MARK4: variants seen among roughly 807,000 people sequenced by gnomAD.
MARK4 encodes the protein microtubule affinity regulating kinase 4.
A neutral mutation model predicts 81.5 loss-of-function variants in MARK4; 19 were observed. That is an observed-to-expected ratio of 0.23 (90% CI 0.16 to 0.34). The LOEUF (loss-of-function observed/expected upper bound fraction) is 0.34, where lower values mean the gene tolerates loss of function less well. Ranked by LOEUF, MARK4 falls within the 10% of genes least tolerant of loss-of-function variation. The pLI is 1.00. For synonymous variants in MARK4, 436 were observed against 439.0 expected, an observed-to-expected ratio of 0.99 and a Z score of 0.08; for missense variants, 772 against 1,058.8, an observed-to-expected ratio of 0.73 and a Z score of 3.76.
intron 1 of MARK4, among the ~76,000 whole-genome samples, chr19:45,252,819 C>T (rs1568488168): frequency 6.6e-6 from 1 of 152,120 alleles, no homozygotes. Flanking sequence ...CTGCTCCTTG[C>T]CCAAGAAGTT....
At chr19:45,262,361 T>C (rs1035376517) in intron 2 of MARK4, among the ~76,000 whole-genome samples, 3 of 6,644 alleles carry the variant, frequency 4.5e-4, no homozygotes, top group Admixed American at 1.6e-3. Context: ...GGCGGGGGGG[T>C]GGGGTGGGTG....
rs1568506283 is a variant in MARK4 at position 45,302,754 on chromosome 19, CCTTCA to C, written c.*49_*53del. On this transcript the variant is annotated 3_prime_UTR_variant, in exon 17 of 17. Transcript: ENST00000262891. This position sits in a 1 kb window ranked among gnomAD's most constrained non-coding sequence, Gnocchi z 4.9. ...CCCTTACTCTTCCTCTCCCTTGTCG[CCTTCA>C]CTTCTACAGGAGGGGAAGGGGCCAG... The C allele has an allele frequency of 1.3e-6, 2 of 1,533,544 alleles. No individual in the cohort carries two copies. The highest frequency in any genetic ancestry group is 2.0e-5 in the Admixed American group (1 of 50,486). 95.0% of individuals were successfully genotyped at this position (1,533,544 alleles called of 1,614,324 possible).
intron 15 of MARK4, 109 bp downstream of exon 15, chr19:45,298,063 T>C: frequency 1.3e-6 from 2 of 1,535,280 alleles, no homozygotes; most frequent in East Asian, 2.3e-5. Flanking sequence ...CTCTTCCTCC[T>C]CCTCCTCCTC....
chr19:45,268,763 A>G (rs1419074346), intron 7 of MARK4, among the ~76,000 whole-genome samples: 1 of 152,106 alleles, frequency 6.6e-6, no homozygotes, highest in East Asian at 1.9e-4. Context: ...ACAACAAAAA[A>G]TACAAAAGCA....
chr19:45,302,715 C>T lies in MARK4; in HGVS notation c.*5C>T. 3 of 1,536,110 alleles carry T rather than the reference C, an allele frequency of 2.0e-6. No homozygotes were observed. The highest frequency in any genetic ancestry group is 2.6e-6 in the Non-Finnish European group (3 of 1,146,830). On this transcript the variant is annotated 3_prime_UTR_variant, in exon 17 of 17. Coordinates refer to ENST00000262891, the MANE Select transcript of MARK4 (RefSeq NM_001199867.2). This position sits in a 1 kb window ranked among gnomAD's most constrained non-coding sequence, Gnocchi z 4.9. Reference sequence around the variant, plus strand: ...TCCAACGACCTCGAGCTCTGAGCCACCACGGTCCCAGGGCCCTTACTCTTC... The same window carrying T: ...TCCAACGACCTCGAGCTCTGAGCCATCACGGTCCCAGGGCCCTTACTCTTC...
At chr19:45,278,400 G>A in intron 9 of MARK4, 116 bp from the exon 10 acceptor site, 2 of 926,610 alleles carry the variant, frequency 2.2e-6, no homozygotes, top group South Asian at 2.9e-5. Context: ...CTATCTCTTA[G>A]GAAGCCCGCA....
chr19:45,292,385 T>A (rs182454026), intron 13 of MARK4, among the ~76,000 whole-genome samples: 1 of 152,294 alleles, frequency 6.6e-6, no homozygotes, highest in East Asian at 1.9e-4. Flanking sequence ...TAACTTCACC[T>A]CTCTGATCTT....
At chr19:45,282,638 CA>C (rs2123075980) in intron 12 of MARK4, among the ~76,000 whole-genome samples, 1 of 152,184 alleles carries the variant, frequency 6.6e-6, no homozygotes, top group Admixed American at 6.5e-5. Flanking sequence ...CCAGCCTGGC[CA>C]AGATGGTGAA....
chr19:45,302,242 G>T lies in MARK4; in HGVS notation c.1923-132G>T. The T allele has an allele frequency of 6.5e-7, 1 of 1,541,192 alleles. No homozygotes were observed. Among genetic ancestry groups the T allele is most frequent in the South Asian group, 1.3e-5 (1 of 79,886 alleles). On this transcript the variant is annotated intron_variant, in intron 16 of 16. Coordinates refer to ENST00000262891, the MANE Select transcript of MARK4 (RefSeq NM_001199867.2). The surrounding 1 kb of genome is among the most constrained non-coding windows in gnomAD (Gnocchi z 4.9). ...CTGTATCCAGTTGAAACTGTCGCTG[G>T]GGTAACAGGGGAAGATGTTTTTTGA...
chr19:45,261,432 T>C (rs546288189), intron 2 of MARK4, among the ~76,000 whole-genome samples: 1 of 152,334 alleles, frequency 6.6e-6, no homozygotes, highest in South Asian at 2.1e-4. Flanking sequence ...CACCACATTC[T>C]CAGATTAAAG....
intron 8 of MARK4, 54 bp from the exon 9 acceptor site, chr19:45,277,869 G>A (rs1181384573): frequency 6.4e-5 from 88 of 1,368,130 alleles, no homozygotes; most frequent in Non-Finnish European, 8.2e-5. Context: ...GTGTGTGTGT[G>A]TAATAGGTGG....
At chr19:45,276,332 C>T (rs535186264) in intron 8 of MARK4, among the ~76,000 whole-genome samples, 19 of 152,150 alleles carry the variant, frequency 1.2e-4, no homozygotes, top group South Asian at 2.1e-4. Context: ...TGGCCTATTG[C>T]GGTTTTTTAT....
intron 7 of MARK4, among the ~76,000 whole-genome samples, chr19:45,267,161 C>T (rs371192905): frequency 6.1e-4 from 93 of 152,224 alleles, no homozygotes; most frequent in African/African-American, 2.0e-3. Flanking sequence ...CGGGTTCAGG[C>T]GATTCTCCTG....
rs138120388 is a variant in MARK4 at position 45,262,050 on chromosome 19, C to T, written c.253-1063C>T. Among the ~76,000 whole-genome samples, 613 of 152,258 alleles carry T rather than the reference C, an allele frequency of 4.0e-3. 3 individuals are homozygous for T. The highest frequency in any genetic ancestry group is 0.014 in the African/African-American group (589 of 41,540). On this transcript the variant is annotated intron_variant, in intron 2 of 16. Coordinates refer to ENST00000262891, the MANE Select transcript of MARK4 (RefSeq NM_001199867.2). The stretch of plus-strand genomic sequence containing the variant: ...AAAAGTTGTGTTTAAGAGGTAGATT[C>T]CATCAGGCTGCATAAGTTCAAATCT...
rs777001749 is a variant in MARK4 at position 45,266,275 on chromosome 19, C to G, written c.543C>G (p.Asp181Glu). 6.2e-7 allele frequency: 1 copy of G among 1,613,734 alleles called. No individual in the cohort carries two copies. The highest frequency in any genetic ancestry group is 1.1e-5 in the South Asian group (1 of 91,082). ...ACCAGAAAAATATTGTACACAGGGA[C>G]CTGAAGGTAAGCCCCCGACCCGCTG... ...YCHQKNIVHRDLKAENLLLDA... is the reference protein window; with the variant it reads ...YCHQKNIVHRELKAENLLLDA... Residue 181 changes from aspartate to glutamate, a missense_variant, in exon 7 of 17, where the codon GAC becomes GAG. Transcript: ENST00000262891.
intron 1 of MARK4, among the ~76,000 whole-genome samples, chr19:45,251,916 C>G (rs989598683): frequency 6.6e-6 from 1 of 151,968 alleles, no homozygotes; most frequent in African/African-American, 2.4e-5. Context: ...AGCCCCTTCC[C>G]CTGCTTCCAG....
intron 15 of MARK4, chr19:45,298,349 T>C (rs1970920958): frequency 1.4e-5 from 14 of 1,006,714 alleles, no homozygotes; most frequent in Non-Finnish European, 1.8e-5. Flanking sequence ...TGGTTGTTCA[T>C]TTACTCACAG....
At position 45,287,681 on chromosome 19, in the gene MARK4, G is replaced by A. The variant is rs750441925; in HGVS notation, c.1494+17G>A. 3 of 1,600,102 alleles carry A rather than the reference G, an allele frequency of 1.9e-6. No homozygotes were observed. Among genetic ancestry groups the A allele is most frequent in the Non-Finnish European group, 2.6e-6 (3 of 1,173,006 alleles). On this transcript the variant is annotated intron_variant, in intron 13 of 16. Transcript: ENST00000262891. ...AGCACCCCCGTGAGTGACCAGGGCT[G>A]GGGGGCAGGGCTGGGGGCGCCACCT...
In MARK4 at chr19:45,277,823, TTGTGTGTGTGTGTGTGTGTGTG is replaced by T. The variant is rs58592372; in HGVS notation, c.787-74_787-53del. On this transcript the variant is annotated intron_variant, in intron 8 of 16. Coordinates refer to ENST00000262891, the MANE Select transcript of MARK4 (RefSeq NM_001199867.2). ...TCTATCAAAGGGGTTGGGACAAAGG[TTGTGTGTGTGTGTGTGTGTGTG>T]TGTGTGTGTGTGTGTGTGTGTGTGT... 7.3e-5 allele frequency: 54 copies of T among 735,550 alleles called. 1 individual carries two copies. The highest frequency in any genetic ancestry group is 9.6e-5 in the Non-Finnish European group (49 of 507,816). The allele number at this position is 735,550 out of a possible 1,614,324, so 45.6% of individuals were successfully genotyped here.
Sources: gnomAD v4.1 joint callset for allele counts (sites outside exome capture counted in the v4.1 genomes callset) on GRCh38, gnomAD v4.1.1 for gene constraint, Gnocchi (gnomAD v3.1) non-coding constraint, MANE v1.5 for transcripts, NCBI Gene and HGNC (gene_info 2026-07-23, HGNC 2026-07-21) for gene names.